The following RBMS3 variants were observed in gnomAD, a reference collection of about 807,000 sequenced individuals.
RBMS3 encodes the protein RNA binding motif single stranded interacting protein 3.
In RBMS3, 27 loss-of-function variants were observed where a neutral mutation model predicts 66.8. The ratio of observed to expected loss-of-function variants is 0.40; its 90% CI spans 0.30 to 0.56. The LOEUF is 0.56. RBMS3 is among the 20% of genes least tolerant of loss of function. RBMS3 has a pLI of 0.40. For synonymous variants in RBMS3, 188 were observed against 183.0 expected (o/e 1.03, Z -0.22); for missense variants, 513 against 549.5 (o/e 0.93, Z 0.66).
intron 1 of RBMS3, among the ~76,000 whole-genome samples, chr3:29,368,796 A>G (rs1327106880): frequency 6.6e-6 from 1 of 152,188 alleles, no homozygotes; most frequent in African/African-American, 2.4e-5. Flanking sequence ...GAGAAATACC[A>G]TTCGACCCAG....
At chr3:29,709,036 C>T (rs1447138700) in intron 4 of RBMS3, among the ~76,000 whole-genome samples, 1 of 152,160 alleles carries the variant, frequency 6.6e-6, no homozygotes, top group African/African-American at 2.4e-5. Context: ...CACTCTAGCT[C>T]CCACTGGGGC....
intron 8 of RBMS3, among the ~76,000 whole-genome samples, chr3:29,885,732 G>T (rs1220711423): frequency 6.6e-6 from 1 of 151,794 alleles, no homozygotes; most frequent in Non-Finnish European, 1.5e-5. Flanking sequence ...TTACATGCAT[G>T]CATATGTATG....
At chr3:29,446,998 C>T (rs368351308) in intron 2 of RBMS3, among the ~76,000 whole-genome samples, 1 of 149,692 alleles carries the variant, frequency 6.7e-6, no homozygotes, top group African/African-American at 2.5e-5. Flanking sequence ...ACTGCACCTC[C>T]GCCTCCCACG....
chr3:30,000,106 C>A (rs952721168), intron 14 of RBMS3, among the ~76,000 whole-genome samples: 1 of 151,846 alleles, frequency 6.6e-6, no homozygotes, highest in East Asian at 1.9e-4. Flanking sequence ...GGTGAACAGG[C>A]AACGTACAGA....
At chr3:29,721,944 T>C (rs1338605599) in intron 4 of RBMS3, among the ~76,000 whole-genome samples, 1 of 152,144 alleles carries the variant, frequency 6.6e-6, no homozygotes, top group East Asian at 1.9e-4. Flanking sequence ...GCGAGTGGTA[T>C]GCAAATGAAC....
intron 4 of RBMS3, among the ~76,000 whole-genome samples, chr3:29,725,422 C>T (rs1006398745): frequency 2.0e-5 from 3 of 151,980 alleles, no homozygotes; most frequent in Admixed American, 2.0e-4. Context: ...TTCAGTGAAT[C>T]CAGGAGCTGG....
chr3:29,548,780 A>G (rs553501863), intron 3 of RBMS3, among the ~76,000 whole-genome samples: 1 of 152,154 alleles, frequency 6.6e-6, no homozygotes, highest in South Asian at 2.1e-4. Flanking sequence ...CTTCCCAGAA[A>G]AGAAGTCTTC....
chr3:29,410,146 T>A (rs1490036928), intron 1 of RBMS3, among the ~76,000 whole-genome samples: 1 of 152,188 alleles, frequency 6.6e-6, no homozygotes, highest in Non-Finnish European at 1.5e-5. Flanking sequence ...TATGTTTCAC[T>A]AATAAAAAGA....
intron 3 of RBMS3, among the ~76,000 whole-genome samples, chr3:29,549,848 C>A (rs921553441): frequency 8.6e-5 from 13 of 152,032 alleles, no homozygotes; most frequent in African/African-American, 3.1e-4. Context: ...TTTTTTCTAG[C>A]TTTACGTGAC....
chr3:29,327,067 A>T (rs1047621352), intron 1 of RBMS3, among the ~76,000 whole-genome samples: 4 of 152,116 alleles, frequency 2.6e-5, no homozygotes, highest in African/African-American at 7.2e-5. Context: ...TATTTTAAAA[A>T]TCCTTTTTAA....
intron 3 of RBMS3, among the ~76,000 whole-genome samples, chr3:29,567,486 G>A (rs2046785250): frequency 6.6e-6 from 1 of 152,136 alleles, no homozygotes; most frequent in South Asian, 2.1e-4. Flanking sequence ...CAGACCCTCT[G>A]CATTATCCTT....
chr3:29,688,108 G>C (rs1428533747), intron 4 of RBMS3, among the ~76,000 whole-genome samples: 1 of 152,040 alleles, frequency 6.6e-6, no homozygotes, highest in African/African-American at 2.4e-5. Context: ...GCAAGAGCTA[G>C]CTTTCTCATC....
At chr3:29,534,347 A>T (rs1399806454) in intron 3 of RBMS3, among the ~76,000 whole-genome samples, 3 of 152,208 alleles carry the variant, frequency 2.0e-5, no homozygotes, top group African/African-American at 7.2e-5. Context: ...CATGCCTCCA[A>T]AATTGGTAAC....
At chr3:29,957,891 T>C (rs78225456) in intron 12 of RBMS3, among the ~76,000 whole-genome samples, 22,838 of 152,156 alleles carry the variant, frequency 0.15, 3,199 homozygotes, top group African/African-American at 0.34. Context: ...GATTCTTCAA[T>C]AGCCTATGTT....
At chr3:29,963,843 A>C (rs1218174262) in intron 12 of RBMS3, among the ~76,000 whole-genome samples, 1 of 151,756 alleles carries the variant, frequency 6.6e-6, no homozygotes, top group Non-Finnish European at 1.5e-5. Context: ...AAAAAAAAAA[A>C]AAGTGTATTA....
rs373605663 is a variant in RBMS3 at position 29,898,525 on chromosome 3, A to G, written c.888+1050A>G. On this transcript the variant is annotated intron_variant, in intron 9 of 14. Transcript: ENST00000383767. ...TTAAGACTATGTGCACTTTTCCTTA[A>G]CTGATTCCCCCCAAAGCAGATCATT... 6.6e-5 allele frequency among the ~76,000 whole-genome samples: 10 copies of G among 151,654 alleles called. No homozygotes were observed. The South Asian group carries it at 1.0e-3, about 16-fold the overall frequency.
At chr3:29,761,965 T>C (rs1394381517) in intron 5 of RBMS3, among the ~76,000 whole-genome samples, 2 of 152,118 alleles carry the variant, frequency 1.3e-5, no homozygotes, top group Non-Finnish European at 1.5e-5. Context: ...AATCCTTAAT[T>C]ATTATCCTCC....
At chr3:29,433,210 T>C (rs2041274014) in intron 1 of RBMS3, among the ~76,000 whole-genome samples, 1 of 152,118 alleles carries the variant, frequency 6.6e-6, no homozygotes, top group Non-Finnish European at 1.5e-5. Context: ...ACAAAATGTA[T>C]TATAGTTTGA....
At chr3:29,743,582 A>C (rs1405159903) in intron 5 of RBMS3, among the ~76,000 whole-genome samples, 18 of 152,040 alleles carry the variant, frequency 1.2e-4, no homozygotes. Context: ...ACTTTAGATG[A>C]CTCTAAAAGC....
Sources: gnomAD v4.1 joint callset for allele counts (sites outside exome capture counted in the v4.1 genomes callset) on GRCh38, gnomAD v4.1.1 for gene constraint, MANE v1.5 for transcripts, NCBI Gene and HGNC (gene_info 2026-07-23, HGNC 2026-07-21) for gene names.